MAGI1: variants seen among roughly 807,000 people sequenced by gnomAD.
MAGI1 encodes the protein membrane associated guanylate kinase, WW and PDZ domain containing 1, also known as membrane-associated guanylate kinase, WW and PDZ domain-containing protein 1.
Under a neutral mutation model 139.9 loss-of-function variants are expected in MAGI1, and 58 were observed. The observed-to-expected ratio is 0.41, with a 90% CI of 0.34 to 0.52. The LOEUF (loss-of-function observed/expected upper bound fraction) is 0.52. MAGI1 is among the 20% of genes least tolerant of loss of function. The pLI is 0.12. For missense variants in MAGI1, 1,874 were observed against 1,901.6 expected, an observed-to-expected ratio of 0.99 and a Z score of 0.27; for synonymous variants, 812 against 737.9, an observed-to-expected ratio of 1.10 and a Z score of -1.63.
intron 5 of MAGI1, among the ~76,000 whole-genome samples, chr3:65,463,654 G>A (rs1284502012): frequency 6.6e-6 from 1 of 151,556 alleles, no homozygotes; most frequent in African/African-American, 2.4e-5. Flanking sequence ...AAGAGTTAGG[G>A]TGGAGACCCT....
Position 65,951,538 on chromosome 3 carries a change from T to G in MAGI1, c.313+86458A>C, listed in dbSNP as rs189381205. On this transcript the variant is annotated intron_variant, in intron 1 of 22. Coordinates refer to ENST00000402939, the MANE Select transcript of MAGI1 (RefSeq NM_001033057.2). ...AAAAACACGTCAAATATCTCACAAG[T>G]AACTTTTATTATTGACTACCTGTTG... 7.2e-5 allele frequency among the ~76,000 whole-genome samples: 11 copies of G among 152,358 alleles called. No individual in the cohort carries two copies. In the East Asian group the frequency reaches 1.9e-3, roughly 27 times the overall value.
intron 2 of MAGI1, among the ~76,000 whole-genome samples, chr3:65,507,020 A>G (rs2077317079): frequency 6.6e-6 from 1 of 152,240 alleles, no homozygotes; most frequent in African/African-American, 2.4e-5. Flanking sequence ...CATCAAGTAT[A>G]CATATGGCTA....
chr3:65,501,023 G>C (rs1386468260), intron 2 of MAGI1, among the ~76,000 whole-genome samples: 1 of 152,152 alleles, frequency 6.6e-6, no homozygotes, highest in Non-Finnish European at 1.5e-5. Flanking sequence ...GAATGTATTA[G>C]TCCTCCAAAT....
intron 18 of MAGI1, among the ~76,000 whole-genome samples, chr3:65,374,202 G>A (rs915614899): frequency 1.3e-5 from 2 of 151,766 alleles, no homozygotes; most frequent in Non-Finnish European, 2.9e-5. Context: ...AAACATTTTG[G>A]GACAAGTGTC....
intron 1 of MAGI1, among the ~76,000 whole-genome samples, chr3:65,645,502 T>C (rs773110516): frequency 1.3e-5 from 2 of 152,116 alleles, no homozygotes; most frequent in African/African-American, 2.4e-5. Context: ...AAAAAATTAA[T>C]AGACTTCATT....
intron 2 of MAGI1, among the ~76,000 whole-genome samples, chr3:65,522,368 C>T (rs2078203421): frequency 1.3e-5 from 2 of 152,140 alleles, no homozygotes; most frequent in Non-Finnish European, 2.9e-5. Flanking sequence ...AGTTTAAGTA[C>T]CACTTTCCCT....
At chr3:66,024,198 A>T (rs2068106317) in intron 1 of MAGI1, among the ~76,000 whole-genome samples, 1 of 151,634 alleles carries the variant, frequency 6.6e-6, no homozygotes, top group South Asian at 2.1e-4. Flanking sequence ...TAAACAAGGC[A>T]TTGCAAGCTT....
intron 1 of MAGI1, among the ~76,000 whole-genome samples, chr3:65,916,455 G>T (rs1440385597): frequency 6.6e-6 from 1 of 152,144 alleles, no homozygotes; most frequent in Non-Finnish European, 1.5e-5. Flanking sequence ...GGCAGAAGGC[G>T]AAAGGCACAC....
chr3:65,652,800 C>T (rs1040692920), intron 1 of MAGI1, among the ~76,000 whole-genome samples: 8 of 152,136 alleles, frequency 5.3e-5, no homozygotes, highest in Non-Finnish European at 1.0e-4. Flanking sequence ...GCAATATTAA[C>T]TGGCCACTGG....
intron 13 of MAGI1, among the ~76,000 whole-genome samples, chr3:65,391,651 A>G (rs887252766): frequency 6.6e-6 from 1 of 152,314 alleles, no homozygotes; most frequent in Admixed American, 6.5e-5. Flanking sequence ...CTAAGACGCT[A>G]TGCTCGTTTA....
intron 6 of MAGI1, among the ~76,000 whole-genome samples, chr3:65,448,527 G>A (rs1004761013): frequency 6.6e-6 from 1 of 152,058 alleles, no homozygotes; most frequent in African/African-American, 2.4e-5. Flanking sequence ...AAAATGGAAG[G>A]TGAGGTCAAA....
chr3:65,545,993 C>G (rs151142619), intron 2 of MAGI1, among the ~76,000 whole-genome samples: 1 of 143,146 alleles, frequency 7.0e-6, no homozygotes, highest in African/African-American at 2.7e-5. Context: ...CACACACACA[C>G]GCACACACAC....
chr3:65,455,370 G>A (rs958307505), intron 5 of MAGI1, among the ~76,000 whole-genome samples: 2 of 152,026 alleles, frequency 1.3e-5, no homozygotes, highest in Admixed American at 6.6e-5. Flanking sequence ...CTTAATCCCT[G>A]GTAACTACGA....
At chr3:65,667,952 G>A (rs368205307) in intron 1 of MAGI1, among the ~76,000 whole-genome samples, 3 of 152,236 alleles carry the variant, frequency 2.0e-5, no homozygotes, top group South Asian at 2.1e-4. Flanking sequence ...GTATAGCTAC[G>A]TACTAAGAGT....
At chr3:65,686,515 T>TCTCCTGACCTCATGATACTCCCGCC (rs2088046262) in intron 1 of MAGI1, among the ~76,000 whole-genome samples, 2 of 152,118 alleles carry the variant, frequency 1.3e-5, no homozygotes, top group Non-Finnish European at 2.9e-5. Context: ...ATGGTCTCGA[T>TCTCCTGACCTCATGATACTCCCGCC]CTCCTGACCT....
chr3:65,426,185 G>A (rs2107314723), intron 12 of MAGI1, among the ~76,000 whole-genome samples: 1 of 152,218 alleles, frequency 6.6e-6, no homozygotes, highest in South Asian at 2.1e-4. Flanking sequence ...AGCAAATCAG[G>A]ACTGGTCCCG....
At chr3:65,943,745 A>T (rs2063428141) in intron 1 of MAGI1, among the ~76,000 whole-genome samples, 1 of 152,164 alleles carries the variant, frequency 6.6e-6, no homozygotes, top group South Asian at 2.1e-4. Flanking sequence ...AATTTGAAAA[A>T]CACTGCTTTA....
At chr3:65,716,884 G>C (rs2032319410) in intron 1 of MAGI1, among the ~76,000 whole-genome samples, 1 of 152,170 alleles carries the variant, frequency 6.6e-6, no homozygotes, top group African/African-American at 2.4e-5. Context: ...TGCAGCAACT[G>C]GAAGTCAAAT....
At chr3:65,746,973 G>C (rs2035760946) in intron 1 of MAGI1, among the ~76,000 whole-genome samples, 1 of 152,138 alleles carries the variant, frequency 6.6e-6, no homozygotes, top group African/African-American at 2.4e-5. Context: ...ATCTAGTCTG[G>C]GCTAATGGAA....
Sources: gnomAD v4.1 joint callset for allele counts (sites outside exome capture counted in the v4.1 genomes callset) on GRCh38, gnomAD v4.1.1 for gene constraint, MANE v1.5 for transcripts, NCBI Gene and HGNC (gene_info 2026-07-23, HGNC 2026-07-21) for gene names.